Variants in KIAA1217 observed in about 807,000 individuals in gnomAD.
The protein encoded by KIAA1217 is sickle tail protein homolog.
Under a neutral mutation model 163.9 loss-of-function variants are expected in KIAA1217, and 88 were observed. The ratio of observed to expected loss-of-function variants is 0.54; its 90% confidence interval spans 0.45 to 0.64. KIAA1217 has a LOEUF of 0.64. KIAA1217 is among the 30% of genes least tolerant of loss of function. The pLI is 0.00. For synonymous variants in KIAA1217, 903 were observed against 923.1 expected, an observed-to-expected ratio of 0.98 and a Z score of 0.39; for missense variants, 2,372 against 2,475.0, an observed-to-expected ratio of 0.96 and a Z score of 0.88.
At chr10:23,964,291 GTTGTTTTTTT>G (rs904048911) in intron 1 of KIAA1217, among the ~76,000 whole-genome samples, 5 of 147,730 alleles carry the variant, frequency 3.4e-5, no homozygotes, top group African/African-American at 1.3e-4. Context: ...TTTTGATGGG[GTTGTTTTTTT>G]TTTTTTGTAA....
intron 1 of KIAA1217, among the ~76,000 whole-genome samples, chr10:23,718,544 T>C (rs1837693791): frequency 6.6e-6 from 1 of 151,940 alleles, no homozygotes; most frequent in South Asian, 2.1e-4. Context: ...TGCTGATAAA[T>C]CCTTTATCGG....
rs1327919589 is a variant in KIAA1217 at position 24,380,941 on chromosome 10, A to T, written c.427A>T (p.Thr143Ser). 1 of 1,609,044 alleles carries T rather than the reference A, an allele frequency of 6.2e-7. No individual in the cohort carries two copies. The highest frequency in any genetic ancestry group is 1.3e-5 in the African/African-American group (1 of 74,762). The change falls in exon 3 of 21, where the codon ACG (threonine) becomes TCG (serine). Residue 143 changes from threonine (T) to serine (S), a missense_variant. Physicochemically the swap from Thr to Ser is moderately conservative, Grantham distance 58. Coordinates refer to ENST00000376454, the MANE Select transcript of KIAA1217 (RefSeq NM_019590.5). ...TGACCCGGTCGAGCATTTATCAGAG[A>T]CGTCCGCTGATTCTTTGGAAGCCAT... ...LGDPVEHLSE[T>S]SADSLEAMSE... is the part of the protein sequence containing the mutation.
intron 1 of KIAA1217, among the ~76,000 whole-genome samples, chr10:23,834,373 A>G (rs1838351622): frequency 6.6e-6 from 1 of 152,180 alleles, no homozygotes; most frequent in African/African-American, 2.4e-5. Context: ...TGCAGCACCC[A>G]ATGTCAGGTT....
intron 1 of KIAA1217, among the ~76,000 whole-genome samples, chr10:23,812,542 A>G (rs1372177479): frequency 6.6e-6 from 1 of 152,146 alleles, no homozygotes; most frequent in Non-Finnish European, 1.5e-5. Context: ...AATTCACATT[A>G]CATACAAGTT....
intron 3 of KIAA1217, among the ~76,000 whole-genome samples, chr10:24,390,193 G>A (rs1008268311): frequency 7.2e-5 from 11 of 152,124 alleles, no homozygotes; most frequent in African/African-American, 2.2e-4. Flanking sequence ...TGTAGATATT[G>A]TAGTGCTGCC....
At chr10:24,078,606 T>C (rs2061441379) in intron 2 of KIAA1217, among the ~76,000 whole-genome samples, 2 of 152,192 alleles carry the variant, frequency 1.3e-5, no homozygotes, top group African/African-American at 4.8e-5. Context: ...CTTTCTGAAC[T>C]TGTGTCTTCT....
chr10:23,875,631 A>T (rs1840653349), intron 1 of KIAA1217, among the ~76,000 whole-genome samples: 1 of 152,084 alleles, frequency 6.6e-6, no homozygotes, highest in Non-Finnish European at 1.5e-5. Context: ...TCATTCTACT[A>T]TAAAGACACA....
At chr10:23,723,602 C>T (rs1167330083) in intron 1 of KIAA1217, among the ~76,000 whole-genome samples, 2 of 152,042 alleles carry the variant, frequency 1.3e-5, no homozygotes, top group Admixed American at 6.6e-5. Context: ...AAGACTGGTT[C>T]GTGAGTCATT....
At chr10:23,868,822 GT>G (rs1438263233) in intron 1 of KIAA1217, among the ~76,000 whole-genome samples, 1 of 152,092 alleles carries the variant, frequency 6.6e-6, no homozygotes, top group Admixed American at 6.6e-5. Context: ...GATATCACAA[GT>G]TGAGGCTATC....
chr10:23,915,716 TG>T (rs1304748740), intron 1 of KIAA1217, among the ~76,000 whole-genome samples: 2 of 152,074 alleles, frequency 1.3e-5, no homozygotes, highest in Non-Finnish European at 2.9e-5. Flanking sequence ...CTTCTAGAGA[TG>T]GAATGGTAAC....
chr10:23,870,374 TTCATATTCTAGA>T (rs763472223), intron 1 of KIAA1217, among the ~76,000 whole-genome samples: 162 of 152,204 alleles, frequency 1.1e-3, no homozygotes, highest in Non-Finnish European at 1.4e-3. Context: ...ATTCCATATT[TTCATATTCTAGA>T]TCTTCTTAGC....
intron 2 of KIAA1217, among the ~76,000 whole-genome samples, chr10:24,036,224 G>A (rs1410595692): frequency 2.0e-5 from 3 of 152,202 alleles, no homozygotes; most frequent in Non-Finnish European, 4.4e-5. Context: ...GAGAGTTCAT[G>A]GGAAGGGCTA....
chr10:24,228,052 A>G (rs1435513688), intron 2 of KIAA1217, among the ~76,000 whole-genome samples: 1 of 152,048 alleles, frequency 6.6e-6, no homozygotes, highest in Non-Finnish European at 1.5e-5. Flanking sequence ...GCTGAGGTGG[A>G]TCACTTAAGT....
At chr10:23,810,928 T>C in intron 1 of KIAA1217, among the ~76,000 whole-genome samples, 1 of 118,718 alleles carries the variant, frequency 8.4e-6, no homozygotes, top group South Asian at 2.4e-4. Flanking sequence ...AATAATATAG[T>C]ATATATACTA....
At chr10:24,370,506 T>C (rs2051477459) in intron 2 of KIAA1217, among the ~76,000 whole-genome samples, 1 of 152,170 alleles carries the variant, frequency 6.6e-6, no homozygotes, top group Non-Finnish European at 1.5e-5. Flanking sequence ...GAAACATTGT[T>C]CGTGCCTTTA....
intron 2 of KIAA1217, among the ~76,000 whole-genome samples, chr10:24,349,653 G>A (rs541030075): frequency 6.6e-6 from 1 of 152,262 alleles, no homozygotes; most frequent in South Asian, 2.1e-4. Context: ...GTGTGCTGGT[G>A]GGATTGTAAA....
chr10:24,008,097 C>G (rs949029065), intron 2 of KIAA1217, among the ~76,000 whole-genome samples: 2 of 152,072 alleles, frequency 1.3e-5, no homozygotes, highest in East Asian at 3.9e-4. Context: ...TTCATACAGC[C>G]CTCAACATTC....
intron 1 of KIAA1217, among the ~76,000 whole-genome samples, chr10:23,779,195 T>C (rs1835144323): frequency 6.6e-6 from 1 of 152,196 alleles, no homozygotes; most frequent in Non-Finnish European, 1.5e-5. Context: ...TAATAGTGGA[T>C]CGCTAGAATT....
intron 9 of KIAA1217, among the ~76,000 whole-genome samples, 184 bp downstream of exon 9, chr10:24,501,729 CTTTTTTTTTTTTTTTTTTTTTTTTTTT>C (rs71397953): frequency 1.9e-5 from 1 of 51,472 alleles, no homozygotes; most frequent in Admixed American, 2.8e-4. Context: ...ATAACCACTT[CTTTTTTTTTTTTTTTTTTTTTTTTTTT>C]TTTTTTTTTT....
Sources: allele counts gnomAD v4.1 joint callset (sites outside exome capture counted in the v4.1 genomes callset), GRCh38; gene constraint gnomAD v4.1.1; transcripts MANE v1.5; gene names NCBI Gene and HGNC (gene_info 2026-07-23, HGNC 2026-07-21).